Variants in TRAPPC1 observed in about 807,000 individuals in gnomAD.
TRAPPC1 encodes the protein trafficking protein particle complex subunit 1, also known as BET5 homolog.
In TRAPPC1, 10 loss-of-function variants were observed where a neutral mutation model predicts 17.2. The observed-to-expected ratio is 0.58, with a 90% CI of 0.36 to 0.99. The LOEUF (loss-of-function observed/expected upper bound fraction) is 0.99. TRAPPC1 is among the 50% of genes least tolerant of loss of function. TRAPPC1 has a pLI of 0.01. For missense variants in TRAPPC1, 163 were observed against 184.4 expected, an observed-to-expected ratio of 0.88 and a Z score of 0.67; for synonymous variants, 85 against 74.5, an observed-to-expected ratio of 1.14 and a Z score of -0.72.
At chr17:7,931,631 G>T in intron 1 of TRAPPC1, 55 bp from the exon 2 acceptor site, 2 of 702,204 alleles carry the variant, frequency 2.8e-6, no homozygotes, top group South Asian at 2.7e-5. Flanking sequence ...TGGGGTGGGG[G>T]GTGGGAACGA....
intron 3 of TRAPPC1, 125 bp from the exon 4 acceptor site, chr17:7,930,859 A>G: frequency 6.7e-7 from 1 of 1,495,926 alleles, no homozygotes; most frequent in Non-Finnish European, 9.0e-7. Flanking sequence ...GCCCTCTCTG[A>G]GGAGAAAGTG....
In TRAPPC1 at chr17:7,931,098, G is replaced by C; in HGVS notation, c.222C>G (p.Tyr74Ter). The change falls in exon 3 of 4, where the codon TAC (tyrosine) becomes TAG (stop). Residue 74 changes from tyrosine (Y) to a stop codon, truncating the protein, a stop_gained. Coordinates refer to ENST00000303731, the MANE Select transcript of TRAPPC1 (RefSeq NM_021210.5). LOFTEE classifies it high-confidence loss of function. ...CAACTTTGATCCCAGTGGGCGTCTC[G>C]TAGTAATGGAGTTTGTAACGGCTAG... The part of the protein sequence containing the change: ...FQTSRYKLHY[Y>*]ETPTGIKVVM... 3 of 1,614,020 alleles carry C rather than the reference G, an allele frequency of 1.9e-6. No individual in the cohort carries two copies. Among genetic ancestry groups the C allele is most frequent in the Non-Finnish European group, 2.5e-6 (3 of 1,179,994 alleles).
chr17:7,931,665 TG>T lies in TRAPPC1; in HGVS notation c.99+65del, dbSNP rs1972521373. The T allele has an allele frequency of 1.1e-5, 16 of 1,503,530 alleles. 1 individual carries two copies. The South Asian group carries it at 1.2e-4, about 12-fold the overall frequency. The allele number at this position is 1,503,530 out of a possible 1,614,324, so 93.1% of individuals were successfully genotyped here. On this transcript the variant is annotated intron_variant, in intron 1 of 3. Coordinates refer to ENST00000303731, the MANE Select transcript of TRAPPC1 (RefSeq NM_021210.5). The stretch of plus-strand genomic sequence containing the variant: ...GAGCTGGGGTTTGGAGAGGAGGGGC[TG>T]GGTTGGGACTATAGGTGTTTGGAGA...
chr17:7,931,683 G>A (rs1972522136), intron 1 of TRAPPC1, 48 bp downstream of exon 1: 1 of 1,595,184 alleles, frequency 6.3e-7, no homozygotes, highest in Non-Finnish European at 8.6e-7. Flanking sequence ...GACTATAGGT[G>A]TTTGGAGATG....
Position 7,931,514 on chromosome 17 carries a change from C to A in TRAPPC1, c.162G>T (p.Pro54=), listed in dbSNP as rs765188324. 1 of 1,613,890 alleles carries A rather than the reference C, an allele frequency of 6.2e-7. No homozygotes were observed. Among genetic ancestry groups the A allele is most frequent in the Non-Finnish European group, 8.5e-7 (1 of 1,179,844 alleles). Residue 54 remains proline (P), a synonymous_variant, in exon 2 of 4, where the codon CCG becomes CCT. Coordinates refer to ENST00000303731, the MANE Select transcript of TRAPPC1 (RefSeq NM_021210.5). ...SIRSFVSKMS[P]LDMKDGFLAF... is the part of the protein sequence containing the mutation. ...TCTCTGACTCCGCGTACATGTCTAG[C>A]GGGGACATCTTGCTGACAAACGAGC...
In TRAPPC1 at chr17:7,930,659, G is replaced by C. The variant is rs200476704; in HGVS notation, c.385C>G (p.Arg129Gly). The C allele has an allele frequency of 6.2e-7, 1 of 1,614,042 alleles. No individual in the cohort carries two copies. Among genetic ancestry groups the C allele is most frequent in the Non-Finnish European group, 8.5e-7 (1 of 1,180,032 alleles). Residue 129 changes from arginine (R) to glycine (G), a missense_variant, in exon 4 of 4, where the codon CGA (arginine) becomes GGA (glycine). Transcript: ENST00000303731. ...AGAGAGCGAACATAGGAGTCCAGTC[G>C]GGAGCGAAAGAGCTCACTTTGCACA... ...QTVQSELFRS[R>G]LDSYVRSLPF...
At chr17:7,930,792 A>C in intron 3 of TRAPPC1, 58 bp from the exon 4 acceptor site, 2 of 1,591,258 alleles carry the variant, frequency 1.3e-6, no homozygotes, top group Non-Finnish European at 1.7e-6. Context: ...TTTAGCCCCA[A>C]ACCTTGTATA....
intron 3 of TRAPPC1, 138 bp from the exon 4 acceptor site, chr17:7,930,872 G>C: frequency 1.3e-6 from 2 of 1,484,408 alleles, no homozygotes. Context: ...AGAAAGTGGT[G>C]GTGGGAGTTA....
chr17:7,931,342 C>A (rs1972492803), intron 2 of TRAPPC1, 164 bp downstream of exon 2: 1 of 1,021,066 alleles, frequency 9.8e-7, no homozygotes, highest in South Asian at 1.5e-5. Flanking sequence ...ACCCTCCCCA[C>A]CCCCACTCCT....
rs1972519633 is a variant in TRAPPC1, at chr17:7,931,644, TG to T, written c.100-69del. ...GATGGGGTGGGGGGTGGGAACGAGC[TG>T]GGGTTTGGAGAGGAGGGGCTGGGTT... On this transcript the variant is annotated intron_variant, in intron 1 of 3. Transcript: ENST00000303731. The T allele has an allele frequency of 6.0e-6, 7 of 1,170,514 alleles. No homozygotes were observed. In the South Asian group the frequency reaches 8.5e-5, roughly 14 times the overall value. The allele number at this position is 1,170,514 out of a possible 1,614,324, so 72.5% of individuals were successfully genotyped here.
chr17:7,931,678 TA>T (rs2151724967), intron 1 of TRAPPC1, 52 bp downstream of exon 1: 20 of 1,561,650 alleles, frequency 1.3e-5, no homozygotes, highest in Non-Finnish European at 1.8e-5. Context: ...GTTGGGACTA[TA>T]GGTGTTTGGA....
chr17:7,931,763 G>T lies in TRAPPC1; in HGVS notation c.67C>A (p.Arg23Ser). 3 of 1,614,164 alleles carry T rather than the reference G, an allele frequency of 1.9e-6. No homozygotes were observed. Among genetic ancestry groups the T allele is most frequent in the Non-Finnish European group, 2.5e-6 (3 of 1,180,024 alleles). The part of the protein sequence containing the change: ...GVCLHYSEWH[R>S]KKQAGIPKEE... The stretch of plus-strand genomic sequence containing the variant: ...TTGGGAATCCCTGCTTGCTTCTTGC[G>T]GTGCCATTCGCTGTAGTGCAGACAC... The change falls in exon 1 of 4, where the codon CGC becomes AGC. Residue 23 changes from arginine to serine, a missense_variant. Coordinates refer to ENST00000303731, the MANE Select transcript of TRAPPC1 (RefSeq NM_021210.5).
In TRAPPC1 at chr17:7,930,590, CT is replaced by C; in HGVS notation, c.*15del. 2 of 1,613,848 alleles carry C rather than the reference CT, an allele frequency of 1.2e-6. No homozygotes were observed. The highest frequency in any genetic ancestry group is 1.7e-6 in the Non-Finnish European group (2 of 1,179,908). On this transcript the variant is annotated 3_prime_UTR_variant, in exon 4 of 4. Coordinates refer to ENST00000303731, the MANE Select transcript of TRAPPC1 (RefSeq NM_021210.5). The stretch of plus-strand genomic sequence containing the variant: ...CAGGCAGACATGAATTCTCCTGAGA[CT>C]TGAGGTAGGTTGCTTCAGCCAGCCC...
Position 7,931,790 on chromosome 17 carries a change from C to T in TRAPPC1, c.40G>A (p.Val14Met). ...HNLYLFDRNG[V>M]CLHYSEWHRK... ...TGCCATTCGCTGTAGTGCAGACACA[C>T]TCCATTCCGGTCAAACAGGTACAGG... Residue 14 changes from valine to methionine, a missense_variant, in exon 1 of 4, where the codon GTG (valine) becomes ATG (methionine). Coordinates refer to ENST00000303731, the MANE Select transcript of TRAPPC1 (RefSeq NM_021210.5). The T allele has an allele frequency of 1.2e-6, 2 of 1,614,232 alleles. No individual in the cohort carries two copies. The highest frequency in any genetic ancestry group is 2.2e-5 in the South Asian group (2 of 91,088).
At chr17:7,931,985 G>A (rs1567899641), upstream of TRAPPC1, 4 of 672,702 alleles carry the variant, frequency 5.9e-6, no homozygotes. Flanking sequence ...CGGTTTCCAC[G>A]GAGCTCCGCC....
rs140061571 is a variant in TRAPPC1, at chr17:7,931,559, G to A, written c.117C>T (p.Tyr39=). The change falls in exon 2 of 4, where the codon TAC becomes TAT. Residue 39 remains tyrosine, a synonymous_variant. Transcript: ENST00000303731. ...ACGAGCGGATAGAGAAGAGCATCCC[G>A]TACATCAGCTTATACTCCTGGAGGG... ...IPKEEEYKLM[Y]GMLFSIRSFV... 6.1e-5 allele frequency: 98 copies of A among 1,612,890 alleles called. No individual in the cohort carries two copies. Among genetic ancestry groups the A allele is most frequent in the Non-Finnish European group, 7.6e-5 (90 of 1,179,442 alleles).
chr17:7,931,436 A>T, intron 2 of TRAPPC1, 70 bp downstream of exon 2: 1 of 1,505,574 alleles, frequency 6.6e-7, no homozygotes, highest in Non-Finnish European at 9.2e-7. Context: ...CTTCCACTTC[A>T]GAAAGTTTCC....
chr17:7,930,357 C>T lies in TRAPPC1; in HGVS notation c.*249G>A. The T allele has an allele frequency of 4.0e-6, 2 of 501,880 alleles. No individual in the cohort carries two copies. Among genetic ancestry groups the T allele is most frequent in the South Asian group, 2.0e-5 (1 of 49,402 alleles). 31.1% of individuals were successfully genotyped at this position (501,880 alleles called of 1,614,324 possible). A position where few individuals can be genotyped will look rare whatever the true frequency, so the allele number is the denominator to read the frequency against. On this transcript the variant is annotated 3_prime_UTR_variant, in exon 4 of 4. Coordinates refer to ENST00000303731, the MANE Select transcript of TRAPPC1 (RefSeq NM_021210.5). ...AACACGCTCAGGCCGCAGAGAGTGA[C>T]AAAAAGTTTATTCTGTGCTTCTCGC...
Position 7,930,524 on chromosome 17 carries a change from T to G in TRAPPC1, c.*82A>C. The G allele has an allele frequency of 6.3e-7, 1 of 1,587,380 alleles. No homozygotes were observed. The highest frequency in any genetic ancestry group is 8.6e-7 in the Non-Finnish European group (1 of 1,162,104). On this transcript the variant is annotated 3_prime_UTR_variant, in exon 4 of 4. Coordinates refer to ENST00000303731, the MANE Select transcript of TRAPPC1 (RefSeq NM_021210.5). ...GGCAGGGGGTGGGGGTGCGGGGGCT[T>G]ACAGTGGGGGCCCTTAGTTGGCACA...
Sources: gnomAD v4.1 joint callset for allele counts on GRCh38, gnomAD v4.1.1 for gene constraint, MANE v1.5 for transcripts, NCBI Gene and HGNC (gene_info 2026-07-23, HGNC 2026-07-21) for gene names.